MAP3K5: variants seen among roughly 807,000 people sequenced by gnomAD.
MAP3K5 encodes ASK-1.
Under a neutral mutation model 158.7 loss-of-function variants are expected in MAP3K5, and 56 were observed. That is an observed-to-expected ratio of 0.35 (90% CI 0.28 to 0.44). MAP3K5 has a LOEUF of 0.44. Among genes scored for constraint, MAP3K5 ranks in the 20% least tolerant of loss-of-function variants. The pLI is 1.00. For synonymous variants in MAP3K5, 579 were observed against 601.7 expected (o/e 0.96, Z 0.55); for missense variants, 1,294 against 1,674.8 (o/e 0.77, Z 3.97).
At chr6:136,764,412 G>T (rs1024888780) in intron 1 of MAP3K5, among the ~76,000 whole-genome samples, 1 of 152,188 alleles carries the variant, frequency 6.6e-6, no homozygotes, top group African/African-American at 2.4e-5. Flanking sequence ...TACCATGAGA[G>T]AAGTCCAACC....
intron 1 of MAP3K5, among the ~76,000 whole-genome samples, chr6:136,759,483 A>ATATATATAC (rs1562681271): frequency 1.8e-5 from 1 of 56,174 alleles, no homozygotes; most frequent in Non-Finnish European, 4.2e-5. Flanking sequence ...TATATATATA[A>ATATATATAC]AGTTTGAGAC....
intron 7 of MAP3K5, among the ~76,000 whole-genome samples, chr6:136,691,195 G>GA (rs1461246061): frequency 3.9e-5 from 6 of 152,070 alleles, no homozygotes; most frequent in Non-Finnish European, 7.4e-5. Context: ...CTAGATCTGT[G>GA]AGCTGTTTTT....
chr6:136,643,948 C>T (rs1778116650), intron 11 of MAP3K5, among the ~76,000 whole-genome samples: 1 of 152,116 alleles, frequency 6.6e-6, no homozygotes, highest in South Asian at 2.1e-4. Flanking sequence ...GTTACCTGTA[C>T]ACTACTTGCA....
intron 14 of MAP3K5, among the ~76,000 whole-genome samples, chr6:136,628,117 CT>C (rs398066307): frequency 1.7e-3 from 240 of 144,522 alleles, no homozygotes; most frequent in Non-Finnish European, 1.7e-3. Flanking sequence ...ATATTTAAAT[CT>C]TTTTTTTTTT....
intron 26 of MAP3K5, among the ~76,000 whole-genome samples, chr6:136,563,484 C>G (rs1028778334): frequency 4.6e-5 from 7 of 152,114 alleles, no homozygotes; most frequent in African/African-American, 1.7e-4. Context: ...GTTGTTGCTA[C>G]AATTGTGATT....
intron 7 of MAP3K5, among the ~76,000 whole-genome samples, chr6:136,675,040 CA>C (rs1779647589): frequency 6.6e-6 from 1 of 151,722 alleles, no homozygotes; most frequent in African/African-American, 2.4e-5. Flanking sequence ...TAAATGTTAT[CA>C]TTATATATTA....
chr6:136,644,554 A>G (rs1377530419), intron 11 of MAP3K5, among the ~76,000 whole-genome samples: 1 of 152,200 alleles, frequency 6.6e-6, no homozygotes, highest in Non-Finnish European at 1.5e-5. Flanking sequence ...TAGGAGCTGG[A>G]AGTTAATACT....
At chr6:136,781,739 A>G (rs1230942357) in intron 1 of MAP3K5, among the ~76,000 whole-genome samples, 1 of 152,206 alleles carries the variant, frequency 6.6e-6, no homozygotes, top group Non-Finnish European at 1.5e-5. Context: ...TATCATTCTG[A>G]CCCAACTGCA....
At chr6:136,766,262 T>A (rs1419170424) in intron 1 of MAP3K5, among the ~76,000 whole-genome samples, 1 of 152,220 alleles carries the variant, frequency 6.6e-6, no homozygotes, top group East Asian at 1.9e-4. Flanking sequence ...CAGCTCTAGT[T>A]TATCTTTCAG....
At chr6:136,684,416 T>C (rs1425604084) in intron 7 of MAP3K5, among the ~76,000 whole-genome samples, 1 of 152,092 alleles carries the variant, frequency 6.6e-6, no homozygotes, top group African/African-American at 2.4e-5. Flanking sequence ...TCATACTGCA[T>C]AGGAATTCAG....
At chr6:136,755,787 C>T (rs188781382) in intron 1 of MAP3K5, among the ~76,000 whole-genome samples, 2 of 151,462 alleles carry the variant, frequency 1.3e-5, no homozygotes, top group East Asian at 3.9e-4. Context: ...CGTAACCATA[C>T]AGGCTAGAAT....
At chr6:136,754,927 T>C (rs138614061) in intron 1 of MAP3K5, among the ~76,000 whole-genome samples, 15 of 152,250 alleles carry the variant, frequency 9.9e-5, no homozygotes, top group Non-Finnish European at 2.1e-4. Context: ...ATTCACGCAG[T>C]TGCCCATTCC....
chr6:136,581,125 C>T (rs1010790436), intron 24 of MAP3K5, among the ~76,000 whole-genome samples: 1 of 152,218 alleles, frequency 6.6e-6, no homozygotes, highest in African/African-American at 2.4e-5. Flanking sequence ...CCATTTCTCC[C>T]TCCCCACAGT....
At chr6:136,569,695 G>A (rs1286653986) in intron 25 of MAP3K5, among the ~76,000 whole-genome samples, 1 of 152,096 alleles carries the variant, frequency 6.6e-6, no homozygotes, top group African/African-American at 2.4e-5. Context: ...ACTGCCCTGG[G>A]TACATGTTTT....
intron 1 of MAP3K5, among the ~76,000 whole-genome samples, chr6:136,763,490 T>C (rs1253763036): frequency 6.6e-6 from 1 of 152,216 alleles, no homozygotes; most frequent in African/African-American, 2.4e-5. Context: ...TCTGACAGTG[T>C]GTTTTCTACC....
chr6:136,746,610 A>C (rs1472618601), intron 1 of MAP3K5, among the ~76,000 whole-genome samples: 1 of 152,212 alleles, frequency 6.6e-6, no homozygotes, highest in East Asian at 1.9e-4. Flanking sequence ...AATACCCACG[A>C]GAGAGGGAGA....
At chr6:136,728,250 A>G (rs1487119275) in intron 1 of MAP3K5, among the ~76,000 whole-genome samples, 1 of 152,162 alleles carries the variant, frequency 6.6e-6, no homozygotes, top group Admixed American at 6.5e-5. Context: ...ATAATAAGGT[A>G]TCTGTTAGTT....
intron 7 of MAP3K5, among the ~76,000 whole-genome samples, chr6:136,672,074 ATACTATAAAG>A (rs1481628413): frequency 3.3e-5 from 5 of 152,226 alleles, no homozygotes; most frequent in Admixed American, 3.3e-4. Context: ...ATTTCCAATA[ATACTATAAAG>A]TATAACATGG....
intron 1 of MAP3K5, among the ~76,000 whole-genome samples, chr6:136,746,991 A>T (rs1335247691): frequency 6.6e-6 from 1 of 152,096 alleles, no homozygotes; most frequent in African/African-American, 2.4e-5. Context: ...TCTCAATCAT[A>T]ACTCACTGCA....
Sources: gnomAD v4.1 joint callset for allele counts (sites outside exome capture counted in the v4.1 genomes callset) on GRCh38, gnomAD v4.1.1 for gene constraint, MANE v1.5 for transcripts, NCBI Gene and HGNC (gene_info 2026-07-23, HGNC 2026-07-21) for gene names.